Variants in DNAH6 observed in about 807,000 individuals in gnomAD.
DNAH6 encodes axonemal beta dynein heavy chain 6.
In DNAH6, 340 loss-of-function variants were observed where a neutral mutation model predicts 491.4. That is an observed-to-expected ratio of 0.69 (90% confidence interval 0.63 to 0.76). The LOEUF (loss-of-function observed/expected upper bound fraction) is 0.76. Among genes scored for constraint, DNAH6 ranks in the 30% least tolerant of loss-of-function variants. The pLI, the probability that DNAH6 is intolerant of heterozygous loss-of-function variation, is 0.00. For synonymous variants in DNAH6, 1,603 were observed against 1,686.1 expected (o/e 0.95, Z 1.21); for missense variants, 4,443 against 4,972.2 (o/e 0.89, Z 3.20).
At position 84,533,741 on chromosome 2, in the gene DNAH6, C is replaced by G. The variant is rs1469156307; in HGVS notation, c.662+4575C>G. Among the ~76,000 whole-genome samples, 6 of 152,242 alleles carry G rather than the reference C, an allele frequency of 3.9e-5. No homozygotes were observed. In the South Asian group the frequency reaches 1.2e-3, roughly 32 times the overall value. ...TTTACTTCCATTTTCTAAATTGAAACACTCAGCCTTGCAGCTTTATAGCAT... is the reference window on the plus strand; with the variant it reads ...TTTACTTCCATTTTCTAAATTGAAAGACTCAGCCTTGCAGCTTTATAGCAT... On this transcript the variant is annotated intron_variant, in intron 4 of 76. Transcript: ENST00000389394.
the DNAH6 span, among the ~76,000 whole-genome samples, chr2:84,474,224 A>G: frequency 1.3e-5 from 2 of 152,228 alleles, no homozygotes; most frequent in Non-Finnish European, 2.9e-5. Flanking sequence ...TAAATCTGTT[A>G]ACGTTCTCCA....
At chr2:84,795,582 A>G (rs1678266797) in intron 68 of DNAH6, among the ~76,000 whole-genome samples, 1 of 152,252 alleles carries the variant, frequency 6.6e-6, no homozygotes, top group African/African-American at 2.4e-5. Flanking sequence ...AGAGGTTGAC[A>G]ATGTAGGTAT....
intron 16 of DNAH6, among the ~76,000 whole-genome samples, 151 bp downstream of exon 16, chr2:84,589,105 T>C (rs763350641): frequency 3.3e-5 from 5 of 152,218 alleles, no homozygotes; most frequent in Non-Finnish European, 7.3e-5. Context: ...ATACAAAATA[T>C]GATATGTTCC....
rs1678994456 is a variant in DNAH6 at position 84,548,328 on chromosome 2, A to T, written c.1227A>T (p.Thr409=). The change falls in exon 8 of 77, where the codon ACA becomes ACT. Residue 409 remains threonine (T), a synonymous_variant. Transcript: ENST00000389394. ...AGAGCAGTGGAAGTTTCATTAATACACCACATGAGTTGCCCACTTATGGAG... is the reference window on the plus strand; with the variant it reads ...AGAGCAGTGGAAGTTTCATTAATACTCCACATGAGTTGCCCACTTATGGAG... ...KVQSSGSFIN[T]PHELPTYGDS... is the part of the protein sequence containing the mutation. 6.2e-7 allele frequency: 1 copy of T among 1,613,892 alleles called. No homozygotes were observed. Among genetic ancestry groups the T allele is most frequent in the Non-Finnish European group, 8.5e-7 (1 of 1,179,830 alleles).
At position 84,604,465 on chromosome 2, in the gene DNAH6, T is replaced by C; in HGVS notation, c.2995T>C (p.Leu999=). Residue 999 remains leucine (L), a synonymous_variant, in exon 19 of 77, where the codon TTG becomes CTG. Transcript: ENST00000389394. The stretch of plus-strand genomic sequence containing the variant: ...ATTAACCTTGGAGAGGCTCTCCCAG[T>C]TGCATGTTTTTGACTTTGGTCAAGA... ...IPLTLERLSQ[L]HVFDFGQEIQ... The C allele has an allele frequency of 6.4e-7, 1 of 1,551,784 alleles. No individual in the cohort carries two copies. Among genetic ancestry groups the C allele is most frequent in the Non-Finnish European group, 8.7e-7 (1 of 1,146,994 alleles).
At chr2:84,749,454 G>A (rs530689904) in intron 63 of DNAH6, among the ~76,000 whole-genome samples, 3 of 152,268 alleles carry the variant, frequency 2.0e-5, no homozygotes, top group Non-Finnish European at 4.4e-5. Flanking sequence ...AATTTCTAAT[G>A]GGGAGCAGTT....
At position 84,591,419 on chromosome 2, in the gene DNAH6, A is replaced by T. The variant is rs1474518555; in HGVS notation, c.2610+2465A>T. Among the ~76,000 whole-genome samples the T allele has an allele frequency of 4.6e-5, 7 of 152,260 alleles. No individual in the cohort carries two copies. The East Asian group carries it at 7.7e-4, about 17-fold the overall frequency. ...AAAGTAGAAATAAACTTAACCTAGGAGGTAAAAGACTCACACACTATGATG... is the reference window on the plus strand; with the variant it reads ...AAAGTAGAAATAAACTTAACCTAGGTGGTAAAAGACTCACACACTATGATG... On this transcript the variant is annotated intron_variant, in intron 16 of 76. Transcript: ENST00000389394.
rs751125253 is a variant in DNAH6, at chr2:84,815,921, G to A, written c.12211G>A (p.Asp4071Asn). ...GATGTTCATGGATGCTTCTCGATGG[G>A]ATGATAAGGAGATGGTGATAGAAGA... ...HGMFMDASRWDDKEMVIEDAL... is the reference protein window; with the variant it reads ...HGMFMDASRWNDKEMVIEDAL... Residue 4071 changes from aspartate (D) to asparagine (N), a missense_variant, in exon 76 of 77, where the codon GAT (aspartate) becomes AAT (asparagine). This residue lies in a region of DNAH6 where 1,463 missense variants were observed against 1,656.6 expected (regional missense o/e 0.88). Coordinates refer to ENST00000389394, the MANE Select transcript of DNAH6 (RefSeq NM_001370.2). The A allele has an allele frequency of 3.2e-6, 5 of 1,551,730 alleles. No homozygotes were observed. The highest frequency in any genetic ancestry group is 4.9e-5 in the East Asian group (2 of 40,934).
intron 26 of DNAH6, 21 bp from the exon 27 acceptor site, chr2:84,624,244 G>A: frequency 6.5e-7 from 1 of 1,526,868 alleles, no homozygotes; most frequent in Non-Finnish European, 8.8e-7. Flanking sequence ...AATTCACCAT[G>A]ACAATTTTTT....
chr2:84,731,616 A>G (rs1699124376), intron 61 of DNAH6, among the ~76,000 whole-genome samples: 2 of 152,216 alleles, frequency 1.3e-5, no homozygotes, highest in South Asian at 4.1e-4. Context: ...ATAGTTCCTT[A>G]TCTCCTCACA....
chr2:84,558,624 G>T (rs4484047), intron 11 of DNAH6, among the ~76,000 whole-genome samples: 124,370 of 152,078 alleles, frequency 0.82, 53,434 homozygotes, highest in East Asian at 0.99. Context: ...TTAATGTTTT[G>T]TTAAAACAAA....
Position 84,532,614 on chromosome 2 carries a change from TATAATCTTTCAATCTAGAGCA to T in DNAH6, c.662+3456_662+3476del, listed in dbSNP as rs1158124632. Among the ~76,000 whole-genome samples, 6 of 152,280 alleles carry T rather than the reference TATAATCTTTCAATCTAGAGCA, an allele frequency of 3.9e-5. No homozygotes were observed. The Middle Eastern group carries it at 0.014, about 345-fold the overall frequency. ...TGGTGAAGCTGTGGAAGGATTTTTT[TATAATCTTTCAATCTAGAGCA>T]ATAATCTATCTCTCTGATAAGCCTA... On this transcript the variant is annotated intron_variant, in intron 4 of 76. Transcript: ENST00000389394.
In DNAH6 at chr2:84,619,686, T is replaced by C; in HGVS notation, c.3574T>C (p.Phe1192Leu). ...LESKRVIFPRFYFLSNDELLE... is the reference protein window; with the variant it reads ...LESKRVIFPRLYFLSNDELLE... The stretch of plus-strand genomic sequence containing the variant: ...TTTTAAGGATGTTCTTTAATCCAGG[T>C]TTTACTTCTTGTCAAATGATGAACT... Residue 1192 changes from phenylalanine to leucine, a missense_variant and splice_region_variant, in exon 24 of 77, where the codon TTT becomes CTT. Coordinates refer to ENST00000389394, the MANE Select transcript of DNAH6 (RefSeq NM_001370.2). The C allele has an allele frequency of 6.4e-7, 1 of 1,550,964 alleles. No individual in the cohort carries two copies. Among genetic ancestry groups the C allele is most frequent in the South Asian group, 1.2e-5 (1 of 84,034 alleles).
At chr2:84,510,023 C>G in the DNAH6 span, among the ~76,000 whole-genome samples, 3 of 152,170 alleles carry the variant, frequency 2.0e-5, no homozygotes, top group Admixed American at 1.3e-4. Context: ...TCCTTCATTT[C>G]AACTTTGGTG....
At chr2:84,654,518 T>C in intron 34 of DNAH6, 142 bp from the exon 35 acceptor site, 1 of 1,061,972 alleles carries the variant, frequency 9.4e-7, no homozygotes, top group Non-Finnish European at 1.3e-6. Context: ...TACTTATTGC[T>C]CTCCCACTCT....
At chr2:84,508,187 C>T in the DNAH6 span, among the ~76,000 whole-genome samples, 4 of 152,118 alleles carry the variant, frequency 2.6e-5, no homozygotes, top group Admixed American at 6.6e-5. Flanking sequence ...GCTGTGAATC[C>T]GTCTGGTCCT....
At chr2:84,755,608 ACTT>A (rs1333219707) in intron 63 of DNAH6, among the ~76,000 whole-genome samples, 2 of 152,150 alleles carry the variant, frequency 1.3e-5, no homozygotes, top group Non-Finnish European at 2.9e-5. Flanking sequence ...AGATAAATTT[ACTT>A]CTTCTTTTCC....
At chr2:84,534,415 A>G (rs1677483045) in intron 4 of DNAH6, among the ~76,000 whole-genome samples, 5 of 152,148 alleles carry the variant, frequency 3.3e-5, no homozygotes, top group Admixed American at 3.3e-4. Flanking sequence ...GAGCAGCTCT[A>G]TAGTGGGAAC....
intron 14 of DNAH6, among the ~76,000 whole-genome samples, chr2:84,580,850 G>A (rs1682954287): frequency 1.3e-5 from 2 of 152,158 alleles, no homozygotes; most frequent in African/African-American, 2.4e-5. Flanking sequence ...TATCAAGAAT[G>A]TAAGTAGGCT....
Sources: allele counts gnomAD v4.1 joint callset (sites outside exome capture counted in the v4.1 genomes callset), GRCh38; gene constraint gnomAD v4.1.1; regional missense constraint gnomAD v4.1.1; transcripts MANE v1.5; gene names NCBI Gene and HGNC (gene_info 2026-07-23, HGNC 2026-07-21).